Variants in ZNF763 observed in about 807,000 individuals in gnomAD.
The protein encoded by ZNF763 is DNA-binding protein.
In ZNF763, 33 loss-of-function variants were observed where a neutral mutation model predicts 38.0. The ratio of observed to expected loss-of-function variants is 0.87; its 90% CI spans 0.66 to 1.16. ZNF763 has a LOEUF of 1.16. Ranked by LOEUF, ZNF763 falls within the 50% of genes most tolerant of loss-of-function variation. The pLI is 0.00. For synonymous variants in ZNF763, 155 were observed against 160.1 expected (o/e 0.97, Z 0.24); for missense variants, 423 against 469.1 (o/e 0.90, Z 0.91).
chr19:11,978,969 T>A lies in ZNF763; in HGVS notation c.1045T>A (p.Phe349Ile). 6.2e-7 allele frequency: 1 copy of A among 1,614,230 alleles called. No individual in the cohort carries two copies. The highest frequency in any genetic ancestry group is 8.5e-7 in the Non-Finnish European group (1 of 1,180,036). ...PYQCKECRKA[F>I]TYPSSLRRHE... is the part of the protein sequence containing the mutation. ...TCAATGTAAGGAATGTAGAAAAGCATTCACGTATCCCAGTTCCCTTCGTAG... is the reference window on the plus strand; with the variant it reads ...TCAATGTAAGGAATGTAGAAAAGCAATCACGTATCCCAGTTCCCTTCGTAG... The change falls in exon 4 of 4, where the codon TTC (phenylalanine) becomes ATC (isoleucine). Residue 349 changes from phenylalanine (F) to isoleucine (I), a missense_variant. By Grantham distance (21) the Phe-to-Ile change is conservative. Transcript: ENST00000358987.
At chr19:11,970,017 G>A (rs554301413) in intron 1 of ZNF763, among the ~76,000 whole-genome samples, 8 of 152,318 alleles carry the variant, frequency 5.3e-5, no homozygotes, top group East Asian at 1.9e-4. Flanking sequence ...TAGTGCCTTA[G>A]GGGAGTGGGA....
chr19:11,974,118 TTTCTTTCTTTTCTTTC>T (rs1377157995), intron 1 of ZNF763, among the ~76,000 whole-genome samples: 1,261 of 69,110 alleles, frequency 0.018, 20 homozygotes, highest in African/African-American at 0.049. Context: ...TCTTTCTTTC[TTTCTTTCTTTTCTTTC>T]TTTCTTTCTT....
chr19:11,976,858 T>C, intron 1 of ZNF763, 180 bp from the exon 2 acceptor site: 1 of 1,448,300 alleles, frequency 6.9e-7, no homozygotes, highest in Non-Finnish European at 9.0e-7. Context: ...TGAAAATCCA[T>C]CTCAAAACAA....
In ZNF763 at chr19:11,979,158, A is replaced by G. The variant is rs749636841; in HGVS notation, c.*49A>G. ...TTTATTCTGCCAAGTCATTTCGAAGACATGAAAAAACTCACACTGGAGAGA... is the reference window on the plus strand; with the variant it reads ...TTTATTCTGCCAAGTCATTTCGAAGGCATGAAAAAACTCACACTGGAGAGA... On this transcript the variant is annotated 3_prime_UTR_variant, in exon 4 of 4. Coordinates refer to ENST00000358987, the MANE Select transcript of ZNF763 (RefSeq NM_001367172.2). 2.3e-5 allele frequency: 37 copies of G among 1,612,160 alleles called. No homozygotes were observed. Among genetic ancestry groups the G allele is most frequent in the Non-Finnish European group, 3.1e-5 (37 of 1,179,628 alleles).
At chr19:11,977,224 A>T (rs572386905) in intron 2 of ZNF763, 60 bp downstream of exon 2, 486 of 1,608,782 alleles carry the variant, frequency 3.0e-4, no homozygotes, top group Non-Finnish European at 3.9e-4. Context: ...CTAGCTCATG[A>T]ATGCTGTTGA....
intron 1 of ZNF763, among the ~76,000 whole-genome samples, chr19:11,976,664 CAAGACCA>C (rs1388296350): frequency 6.6e-6 from 1 of 151,184 alleles, no homozygotes; most frequent in Non-Finnish European, 1.5e-5. Flanking sequence ...ATCAGGAGGT[CAAGACCA>C]GCCTGACCAA....
Position 11,977,438 on chromosome 19 carries a change from G to T in ZNF763, c.191+7G>T, listed in dbSNP as rs1207369104. 6.2e-7 allele frequency: 1 copy of T among 1,613,708 alleles called. No individual in the cohort carries two copies. The highest frequency in any genetic ancestry group is 1.7e-5 in the Admixed American group (1 of 59,994). Reference sequence around the variant, plus strand: ...ACCCCAGGAGAAACTTCAGGTAATTGGCACTTAAAGAGAAAGCAGTGTCTC... The same window carrying T: ...ACCCCAGGAGAAACTTCAGGTAATTTGCACTTAAAGAGAAAGCAGTGTCTC... On this transcript the variant is annotated splice_region_variant and intron_variant, in intron 3 of 3. Transcript: ENST00000358987.
intron 1 of ZNF763, among the ~76,000 whole-genome samples, chr19:11,971,276 G>A (rs1037867274): frequency 2.6e-5 from 4 of 152,200 alleles, no homozygotes; most frequent in African/African-American, 9.6e-5. Context: ...ACAGAAAAGA[G>A]AGGAAGCTGG....
chr19:11,975,571 G>T (rs747261626), intron 1 of ZNF763, among the ~76,000 whole-genome samples: 1 of 151,694 alleles, frequency 6.6e-6, no homozygotes. Flanking sequence ...CCAATTTTTC[G>T]TATTTTTAGT....
chr19:11,970,530 T>C (rs988511214), intron 1 of ZNF763, among the ~76,000 whole-genome samples: 1 of 152,252 alleles, frequency 6.6e-6, no homozygotes, highest in African/African-American at 2.4e-5. Context: ...ATGGAGATGA[T>C]GAGTAGTAGA....
At chr19:11,969,876 C>G (rs1973314439) in intron 1 of ZNF763, among the ~76,000 whole-genome samples, 1 of 152,198 alleles carries the variant, frequency 6.6e-6, no homozygotes, top group Non-Finnish European at 1.5e-5. Context: ...AGGTTCCTTT[C>G]TGGAAACTTT....
At position 11,979,336 on chromosome 19, in the gene ZNF763, A is replaced by G; in HGVS notation, c.*227A>G. The G allele has an allele frequency of 6.2e-6, 10 of 1,608,066 alleles. No homozygotes were observed. The highest frequency in any genetic ancestry group is 8.5e-6 in the Non-Finnish European group (10 of 1,177,000). Reference sequence around the variant, plus strand: ...CCCACACCTTCGAAGGCATGGTAGGACTCACTGGAGAGAAACCCTATGAGT... The same window carrying G: ...CCCACACCTTCGAAGGCATGGTAGGGCTCACTGGAGAGAAACCCTATGAGT... On this transcript the variant is annotated 3_prime_UTR_variant, in exon 4 of 4. Coordinates refer to ENST00000358987, the MANE Select transcript of ZNF763 (RefSeq NM_001367172.2).
In ZNF763 at chr19:11,979,436, A is replaced by G. The variant is rs1973574045; in HGVS notation, c.*327A>G. Reference sequence around the variant, plus strand: ...TGAAAGGACACAAACACACATAAGAATACACTCTGGAGAAAGACCTTATAA... The same window carrying G: ...TGAAAGGACACAAACACACATAAGAGTACACTCTGGAGAAAGACCTTATAA... On this transcript the variant is annotated 3_prime_UTR_variant, in exon 4 of 4. Transcript: ENST00000358987. 7 of 1,607,342 alleles carry G rather than the reference A, an allele frequency of 4.4e-6. No homozygotes were observed. The highest frequency in any genetic ancestry group is 5.1e-6 in the Non-Finnish European group (6 of 1,176,422).
At chr19:11,967,413 G>GT (rs879432716) in intron 1 of ZNF763, among the ~76,000 whole-genome samples, 256 of 150,208 alleles carry the variant, frequency 1.7e-3, no homozygotes, top group Admixed American at 3.3e-3. Context: ...TCTCTATTTT[G>GT]TTTTTTTTTG....
At chr19:11,974,126 T>TTTCTTTCTTTTC (rs1177618111) in intron 1 of ZNF763, among the ~76,000 whole-genome samples, 89 of 55,064 alleles carry the variant, frequency 1.6e-3, no homozygotes, top group Middle Eastern at 9.3e-3. Context: ...TCTTTCTTTC[T>TTTCTTTCTTTTC]TTTCTTTCTT....
chr19:11,978,035 A>G, intron 3 of ZNF763, 81 bp from the exon 4 acceptor site: 1 of 1,526,152 alleles, frequency 6.6e-7, no homozygotes, highest in Non-Finnish European at 8.9e-7. Context: ...TTGATGGACC[A>G]TGTTAAAAAT....
Position 11,978,330 on chromosome 19 carries a change from T to TATC in ZNF763, c.408_410dup (p.Tyr136_Gln137insHis). On this transcript the variant is annotated inframe_insertion, in exon 4 of 4. Transcript: ENST00000358987. The stretch of plus-strand genomic sequence containing the variant: ...TGACATTGGGCACAAGGCATACGAG[T>TATC]ATCAGGACTATGCACCAAAGCCATA... 1 of 1,614,052 alleles carries TATC rather than the reference T, an allele frequency of 6.2e-7. No homozygotes were observed. The highest frequency in any genetic ancestry group is 8.5e-7 in the Non-Finnish European group (1 of 1,180,006).
At chr19:11,967,128 A>G (rs1468262921) in intron 1 of ZNF763, among the ~76,000 whole-genome samples, 1 of 152,168 alleles carries the variant, frequency 6.6e-6, no homozygotes, top group Non-Finnish European at 1.5e-5. Context: ...TGAGGTCAAG[A>G]GTTCGAGACC....
In ZNF763 at chr19:11,965,146, GCTGTGCCCTT is replaced by G; in HGVS notation, c.-58_-49del. 1 of 1,611,232 alleles carries G rather than the reference GCTGTGCCCTT, an allele frequency of 6.2e-7. No homozygotes were observed. The highest frequency in any genetic ancestry group is 1.3e-5 in the African/African-American group (1 of 74,962). On this transcript the variant is annotated 5_prime_UTR_variant, in exon 1 of 4. Transcript: ENST00000358987. ...AGGTTTCTATCGCTCTGTCTCCTGCGCTGTGCCCTTCTGTAGTCACAGGAGCTGTAGAGAG... is the reference window on the plus strand; with the variant it reads ...AGGTTTCTATCGCTCTGTCTCCTGCGCTGTAGTCACAGGAGCTGTAGAGAG...
Sources: allele counts gnomAD v4.1 joint callset (sites outside exome capture counted in the v4.1 genomes callset), GRCh38; gene constraint gnomAD v4.1.1; transcripts MANE v1.5; gene names NCBI Gene and HGNC (gene_info 2026-07-23, HGNC 2026-07-21).